The following SLC4A5 variants were observed in gnomAD, a reference collection of about 807,000 sequenced individuals.
SLC4A5 encodes solute carrier family 4 member 5, also known as electrogenic sodium bicarbonate cotransporter 4.
In SLC4A5, 96 loss-of-function variants were observed where a neutral mutation model predicts 120.4. The observed-to-expected ratio is 0.80, with a 90% CI of 0.68 to 0.94. The LOEUF is 0.94. Among genes scored for constraint, SLC4A5 ranks in the 40% least tolerant of loss-of-function variants. SLC4A5 has a pLI of 0.00. For synonymous variants in SLC4A5, 550 were observed against 571.1 expected (o/e 0.96, Z 0.53); for missense variants, 1,259 against 1,459.5 (o/e 0.86, Z 2.24).
chr2:74,276,578 C>A (rs1238584045), intron 8 of SLC4A5, among the ~76,000 whole-genome samples: 2 of 148,652 alleles, frequency 1.3e-5, no homozygotes, highest in Admixed American at 6.7e-5. Flanking sequence ...ACCACCTATA[C>A]TCTCATAGGC....
intron 2 of SLC4A5, among the ~76,000 whole-genome samples, chr2:74,340,487 G>T (rs1431202860): frequency 6.6e-6 from 1 of 152,130 alleles, no homozygotes. Flanking sequence ...CAAGATGGAG[G>T]AGAAATGGGC....
At chr2:74,274,442 T>C (rs1199318435) in intron 8 of SLC4A5, among the ~76,000 whole-genome samples, 3 of 152,246 alleles carry the variant, frequency 2.0e-5, no homozygotes, top group African/African-American at 7.2e-5. Context: ...GGATTATGAC[T>C]TTGCATACCA....
chr2:74,282,367 A>T (rs1671840029), intron 8 of SLC4A5, among the ~76,000 whole-genome samples: 1 of 152,230 alleles, frequency 6.6e-6, no homozygotes, highest in South Asian at 2.1e-4. Context: ...CCTCTTTGGG[A>T]TCTGCCTAGA....
At chr2:74,271,018 T>C (rs1374782241) in intron 8 of SLC4A5, among the ~76,000 whole-genome samples, 1 of 152,234 alleles carries the variant, frequency 6.6e-6, no homozygotes, top group Non-Finnish European at 1.5e-5. Context: ...TTACAGTACA[T>C]ATTCTACTAC....
chr2:74,288,907 T>C (rs186278890), intron 7 of SLC4A5, among the ~76,000 whole-genome samples: 194 of 152,362 alleles, frequency 1.3e-3, no homozygotes, highest in African/African-American at 4.4e-3. Flanking sequence ...TAGACAATGC[T>C]GGACTCATTC....
At chr2:74,310,132 T>C (rs1214288404) in intron 6 of SLC4A5, among the ~76,000 whole-genome samples, 1 of 152,208 alleles carries the variant, frequency 6.6e-6, no homozygotes, top group Non-Finnish European at 1.5e-5. Flanking sequence ...AGCAACTGTC[T>C]TTTGTATCCT....
At chr2:74,287,355 G>A (rs1048073169) in intron 7 of SLC4A5, among the ~76,000 whole-genome samples, 2 of 152,216 alleles carry the variant, frequency 1.3e-5, no homozygotes, top group Middle Eastern at 3.4e-3. Context: ...GTAGTGTGGT[G>A]GAATCAAATA....
At chr2:74,322,620 A>G (rs1320388341) in intron 5 of SLC4A5, among the ~76,000 whole-genome samples, 1 of 152,162 alleles carries the variant, frequency 6.6e-6, no homozygotes, top group African/African-American at 2.4e-5. Context: ...TCTGGACAGT[A>G]ATATATCAAT....
At chr2:74,250,855 AG>A in intron 16 of SLC4A5, 1 of 244,472 alleles carries the variant, frequency 4.1e-6, no homozygotes, top group East Asian at 9.5e-5. Flanking sequence ...GACCATCTGC[AG>A]GGTGCCTGCT....
chr2:74,313,225 T>C (rs897862274), intron 6 of SLC4A5, among the ~76,000 whole-genome samples: 4 of 152,110 alleles, frequency 2.6e-5, no homozygotes, highest in Admixed American at 2.6e-4. Flanking sequence ...TGATTCTGTT[T>C]TCTCTCATCT....
chr2:74,247,824 T>A lies in SLC4A5; in HGVS notation c.1788-517A>T, dbSNP rs115811711. On this transcript the variant is annotated intron_variant, in intron 18 of 30. Transcript: ENST00000394019. ...GCCACCACGCCCGGCCAAAAAAAAATTTTTTTTAAAGATCTTATGGAGGAG... is the reference window on the plus strand; with the variant it reads ...GCCACCACGCCCGGCCAAAAAAAAAATTTTTTTAAAGATCTTATGGAGGAG... Among the ~76,000 whole-genome samples, 596 of 151,870 alleles carry A rather than the reference T, an allele frequency of 3.9e-3. 3 individuals are homozygous for A. The highest frequency in any genetic ancestry group is 0.014 in the African/African-American group (565 of 41,422).
intron 7 of SLC4A5, among the ~76,000 whole-genome samples, chr2:74,304,096 A>G (rs10189770): frequency 0.038 from 5,848 of 151,934 alleles, 390 homozygotes; most frequent in African/African-American, 0.13. Flanking sequence ...TGATCCGCCC[A>G]CCTCGGCCTC....
chr2:74,227,175 G>T lies in SLC4A5; in HGVS notation c.2917-45C>A. On this transcript the variant is annotated intron_variant, in intron 26 of 30. Transcript: ENST00000394019. ...TCAGCCAGGCAGCCAGACCCCGAGGGCCCGCTGGGTCCTGGGACTAGGGGA... is the reference window on the plus strand; with the variant it reads ...TCAGCCAGGCAGCCAGACCCCGAGGTCCCGCTGGGTCCTGGGACTAGGGGA... 5 of 1,550,766 alleles carry T rather than the reference G, an allele frequency of 3.2e-6. No homozygotes were observed. The South Asian group carries it at 6.0e-5, about 18-fold the overall frequency.
At chr2:74,217,704 A>G (rs1349014413) in exon 31 of SLC4A5, 2 of 152,214 alleles carry the variant, frequency 1.3e-5, no homozygotes, top group African/African-American at 2.4e-5. Flanking sequence ...ATCCACTCAG[A>G]TGCATTGGTT....
intron 20 of SLC4A5, among the ~76,000 whole-genome samples, chr2:74,241,368 C>A (rs1670437956): frequency 6.6e-6 from 1 of 150,928 alleles, no homozygotes; most frequent in African/African-American, 2.4e-5. Flanking sequence ...TGGGTTCAAA[C>A]AATTCTTGTG....
At chr2:74,306,699 C>A in intron 6 of SLC4A5, 1 of 1,126,280 alleles carries the variant, frequency 8.9e-7, no homozygotes, top group East Asian at 3.7e-5. Context: ...CTCCTGCTCC[C>A]CAAAGGGTAC....
At chr2:74,307,979 G>A in intron 6 of SLC4A5, 1 of 561,342 alleles carries the variant, frequency 1.8e-6, no homozygotes, top group Non-Finnish European at 3.5e-6. Flanking sequence ...AGTAGTTGGA[G>A]GAGAAGGTGG....
At chr2:74,297,007 C>G (rs572311513) in intron 7 of SLC4A5, among the ~76,000 whole-genome samples, 23 of 152,186 alleles carry the variant, frequency 1.5e-4, no homozygotes, top group African/African-American at 5.3e-4. Flanking sequence ...TAATAGAAAG[C>G]CTTTCTCTCC....
Position 74,222,970 on chromosome 2 carries a change from GA to G in SLC4A5, c.3247-19del. 1 of 1,557,488 alleles carries G rather than the reference GA, an allele frequency of 6.4e-7. No homozygotes were observed. The highest frequency in any genetic ancestry group is 1.2e-5 in the South Asian group (1 of 85,576). On this transcript the variant is annotated intron_variant, in intron 28 of 30. Coordinates refer to ENST00000394019, the Ensembl canonical transcript of SLC4A5. Reference sequence around the variant, plus strand: ...AACTGGGGCTGGAGAAAAACAGTGGGAAAAGAGGATAAACACCAACACAACA... The same window carrying G: ...AACTGGGGCTGGAGAAAAACAGTGGGAAAGAGGATAAACACCAACACAACA...
Sources: gnomAD v4.1 joint callset for allele counts (sites outside exome capture counted in the v4.1 genomes callset) on GRCh38, gnomAD v4.1.1 for gene constraint, MANE v1.5 for transcripts, NCBI Gene and HGNC (gene_info 2026-07-23, HGNC 2026-07-21) for gene names.